The following USP7 variants were observed in gnomAD, a reference collection of about 807,000 sequenced individuals.
The protein encoded by USP7 is ubiquitin C-terminal hydrolase 7.
USP7 carries 9 observed loss-of-function variants against 162.9 expected under a neutral mutation model. That is an observed-to-expected ratio of 0.06 (90% CI 0.03 to 0.10). The LOEUF (loss-of-function observed/expected upper bound fraction) is 0.10. Ranked by LOEUF, USP7 falls within the 10% of genes least tolerant of loss-of-function variation. USP7 has a pLI of 1.00. For missense variants in USP7, 715 were observed against 1,373.7 expected, an observed-to-expected ratio of 0.52 and a Z score of 7.58; for synonymous variants, 562 against 475.9, an observed-to-expected ratio of 1.18 and a Z score of -2.35.
Position 8,920,461 on chromosome 16 carries a change from A to G in USP7, c.523-14T>C, listed in dbSNP as rs377146964. The G allele has an allele frequency of 1.5e-4, 248 of 1,601,080 alleles. 1 individual carries two copies. The highest frequency in any genetic ancestry group is 3.1e-4 in the Admixed American group (18 of 58,174). The stretch of plus-strand genomic sequence containing the variant: ...ATCGGTCACTTCCTATAAAACATAA[A>G]TAAGAATATCCAGCTTGAATAAGAA... On this transcript the variant is annotated splice_polypyrimidine_tract_variant and intron_variant, in intron 4 of 30. Coordinates refer to ENST00000344836, the MANE Select transcript of USP7 (RefSeq NM_003470.3).
At chr16:8,950,073 G>A (rs1307288123) in intron 1 of USP7, among the ~76,000 whole-genome samples, 1 of 152,134 alleles carries the variant, frequency 6.6e-6, no homozygotes, top group Non-Finnish European at 1.5e-5. Flanking sequence ...CAGAGGAATT[G>A]GTATTATTAA....
chr16:8,955,737 G>T (rs1567249536), intron 1 of USP7, among the ~76,000 whole-genome samples: 1 of 147,678 alleles, frequency 6.8e-6, no homozygotes, highest in Non-Finnish European at 1.5e-5. Flanking sequence ...CATTGCACAG[G>T]GTCAATTAAG....
In USP7 at chr16:8,892,581, A is replaced by G. The variant is rs1319849084; in HGVS notation, c.*1417T>C. 1.0e-4 allele frequency: 15 copies of G among 146,190 alleles called. No individual in the cohort carries two copies. In the East Asian group the frequency reaches 1.6e-3, roughly 16 times the overall value. 9.1% of individuals were successfully genotyped at this position (146,190 alleles called of 1,614,324 possible). ...CTCCTGGAAAACCTTTCATTTCTTA[A>G]GAGTAAATGTGACTAGTTAGAGGCT... is the stretch of plus-strand genomic sequence containing the variant. On this transcript the variant is annotated 3_prime_UTR_variant, in exon 31 of 31. Coordinates refer to ENST00000344836, the MANE Select transcript of USP7 (RefSeq NM_003470.3).
intron 1 of USP7, 137 bp from the exon 2 acceptor site, chr16:8,930,534 T>A (rs1420870442): frequency 1.7e-5 from 10 of 605,898 alleles, no homozygotes; most frequent in Non-Finnish European, 2.7e-5. Flanking sequence ...TTCATTCTAA[T>A]CCAAAAAATA....
intron 1 of USP7, among the ~76,000 whole-genome samples, chr16:8,953,116 G>A (rs1009552023): frequency 6.6e-6 from 1 of 152,104 alleles, no homozygotes; most frequent in Non-Finnish European, 1.5e-5. Context: ...TTACAGGTGT[G>A]AGCCACTATG....
At chr16:8,903,823 C>T (rs912264217) in intron 15 of USP7, among the ~76,000 whole-genome samples, 1 of 149,850 alleles carries the variant, frequency 6.7e-6, no homozygotes, top group African/African-American at 2.5e-5. Flanking sequence ...GCAGAGATCG[C>T]GCCACTGCAC....
chr16:8,910,892 G>C (rs1293535099), intron 10 of USP7, 65 bp from the exon 11 acceptor site: 1 of 1,328,488 alleles, frequency 7.5e-7, no homozygotes, highest in African/African-American at 1.4e-5. Flanking sequence ...CAACACAGGT[G>C]TAAGTTATTT....
chr16:8,936,547 C>A (rs760803003), intron 1 of USP7: 2 of 1,502,752 alleles, frequency 1.3e-6, no homozygotes, highest in African/African-American at 2.8e-5. Context: ...CCATCCATCA[C>A]CAGCATAAGG....
chr16:8,961,170 C>G (rs982247790), intron 1 of USP7, among the ~76,000 whole-genome samples: 1 of 151,998 alleles, frequency 6.6e-6, no homozygotes, highest in African/African-American at 2.4e-5. Context: ...TGATGAATTT[C>G]TAAAAATTCA....
At position 8,901,200 on chromosome 16, in the gene USP7, G is replaced by A; in HGVS notation, c.2082C>T (p.Pro694=). 6.2e-7 allele frequency: 1 copy of A among 1,613,706 alleles called. No homozygotes were observed. The highest frequency in any genetic ancestry group is 8.5e-7 in the Non-Finnish European group (1 of 1,179,782). ...DVMLFLKMYD[P]KTRSLNYCGH... is the part of the protein sequence containing the mutation. ...CACAGTAATTCAAGCTCCGCGTTTTGGGATCATACATCTTCAAAAATAACA... is the reference window on the plus strand; with the variant it reads ...CACAGTAATTCAAGCTCCGCGTTTTAGGATCATACATCTTCAAAAATAACA... Residue 694 remains proline, a synonymous_variant, in exon 19 of 31, where the codon CCC becomes CCT. Coordinates refer to ENST00000344836, the MANE Select transcript of USP7 (RefSeq NM_003470.3).
In USP7 at chr16:8,894,055, T is replaced by C. The variant is rs1303238274; in HGVS notation, c.3252A>G (p.Lys1084=). 2 of 1,614,142 alleles carry C rather than the reference T, an allele frequency of 1.2e-6. No individual in the cohort carries two copies. The highest frequency in any genetic ancestry group is 1.7e-6 in the Non-Finnish European group (2 of 1,180,034). Reference sequence around the variant, plus strand: ...AAGTGTAGCGACTCCTCTTTGGGGCTTTGTTGAAGTGGTCGAGCCCTAGCC... The same window carrying C: ...AAGTGTAGCGACTCCTCTTTGGGGCCTTGTTGAAGTGGTCGAGCCCTAGCC... ...RPWLGLDHFN[K]APKRSRYTYL... is the part of the protein sequence containing the mutation. Residue 1084 remains lysine, a synonymous_variant, in exon 31 of 31, where the codon AAA becomes AAG. Coordinates refer to ENST00000344836, the MANE Select transcript of USP7 (RefSeq NM_003470.3).
chr16:8,898,271 G>A, intron 25 of USP7, 89 bp downstream of exon 25: 1 of 1,092,394 alleles, frequency 9.2e-7, no homozygotes, highest in Admixed American at 2.0e-5. Flanking sequence ...GTTTTTCTGT[G>A]GTGTCTTAGT....
chr16:8,925,782 C>T (rs1897953284), intron 2 of USP7, among the ~76,000 whole-genome samples: 1 of 152,212 alleles, frequency 6.6e-6, no homozygotes, highest in Non-Finnish European at 1.5e-5. Context: ...TCTGCAAGCA[C>T]AAAGTTTAGA....
In USP7 at chr16:8,905,014, A is replaced by C. The variant is rs116926411; in HGVS notation, c.1573+173T>G. Among the ~76,000 whole-genome samples, 6 of 152,276 alleles carry C rather than the reference A, an allele frequency of 3.9e-5. No homozygotes were observed. In the East Asian group the frequency reaches 1.2e-3, roughly 29 times the overall value. On this transcript the variant is annotated intron_variant, in intron 14 of 30. Transcript: ENST00000344836. ...ATCTATTAACATGAAATTACTTGGT[A>C]CCATAAGTCTGCATCGAAACGCGCA... is the stretch of plus-strand genomic sequence containing the variant.
intron 1 of USP7, among the ~76,000 whole-genome samples, chr16:8,959,847 G>C (rs1899941174): frequency 6.6e-6 from 1 of 152,148 alleles, no homozygotes; most frequent in African/African-American, 2.4e-5. Context: ...GCCTAGATCA[G>C]AAGCTGCAGC....
chr16:8,917,187 T>C, intron 6 of USP7, 31 bp from the exon 7 acceptor site: 1 of 1,572,220 alleles, frequency 6.4e-7, no homozygotes. Context: ...GAATTTTTAC[T>C]CTGAGAAGAT....
Position 8,895,648 on chromosome 16 carries a change from T to G in USP7, c.2913A>C (p.Arg971=). 3 of 1,612,694 alleles carry G rather than the reference T, an allele frequency of 1.9e-6. No homozygotes were observed. The South Asian group carries it at 3.3e-5, about 18-fold the overall frequency. Residue 971 remains arginine (R), a synonymous_variant, in exon 27 of 31, where the codon CGA becomes CGC. Coordinates refer to ENST00000344836, the MANE Select transcript of USP7 (RefSeq NM_003470.3). ...CAGTATCGGGGACAGATACCTCTAT[T>G]CGAAACGTCCGGCTCGTTGCAGGAG... The part of the protein sequence containing the change: ...CLSPATSRTF[R]IEEIPLDQVD...
At chr16:8,899,521 T>C (rs989071019) in intron 22 of USP7, 83 bp downstream of exon 22, 228 of 1,546,422 alleles carry the variant, frequency 1.5e-4, no homozygotes, top group African/African-American at 4.8e-4. Context: ...AACCATGAGA[T>C]AGCTTCTTCA....
At chr16:8,895,369 A>G (rs1226050163) in intron 27 of USP7, among the ~76,000 whole-genome samples, 1 of 152,238 alleles carries the variant, frequency 6.6e-6, no homozygotes. Flanking sequence ...GAATTTTAAG[A>G]GGCCAAATAC....
Sources: gnomAD v4.1 joint callset for allele counts (sites outside exome capture counted in the v4.1 genomes callset) on GRCh38, gnomAD v4.1.1 for gene constraint, MANE v1.5 for transcripts, NCBI Gene and HGNC (gene_info 2026-07-23, HGNC 2026-07-21) for gene names.